ATP2A3: variants seen among roughly 807,000 people sequenced by gnomAD.
The protein encoded by ATP2A3 is sarcoplasmic/endoplasmic reticulum calcium ATPase 3.
A neutral mutation model predicts 106.8 loss-of-function variants in ATP2A3; 61 were observed. That is an observed-to-expected ratio of 0.57 (90% CI 0.46 to 0.71). The LOEUF is 0.71. Among genes scored for constraint, ATP2A3 ranks in the 30% least tolerant of loss-of-function variants. The pLI is 0.00. For missense variants in ATP2A3, 1,201 were observed against 1,423.5 expected (o/e 0.84, Z 2.52); for synonymous variants, 611 against 609.3 (o/e 1.00, Z -0.04).
At chr17:3,948,014 G>A (rs41283389) in intron 7 of ATP2A3, among the ~76,000 whole-genome samples, 159 bp from the exon 8 acceptor site, 15 of 152,304 alleles carry the variant, frequency 9.8e-5, no homozygotes, top group Non-Finnish European at 1.5e-4. Context: ...ATGTATGCAC[G>A]GGGTCCCTGC....
chr17:3,928,739 C>G lies in ATP2A3; in HGVS notation c.2904G>C (p.Val968=). The change falls in exon 20 of 21, where the codon GTG becomes GTC. Residue 968 remains valine (V), a synonymous_variant. Coordinates refer to ENST00000397041, the MANE Select transcript of ATP2A3 (RefSeq NM_005173.4). The surrounding 1 kb of genome is among the most constrained non-coding windows in gnomAD (Gnocchi z 6.1). ...QVTPLSGRQW[V]VVLQISLPVI... is the part of the protein sequence containing the mutation. Reference sequence around the variant, plus strand: ...CAGGCAGAGATATCTGGAGCACCACCACCCACTGGCGCCCGCTCAGTGGGG... The same window carrying G: ...CAGGCAGAGATATCTGGAGCACCACGACCCACTGGCGCCCGCTCAGTGGGG... 1 of 1,552,224 alleles carries G rather than the reference C, an allele frequency of 6.4e-7. No individual in the cohort carries two copies. Among genetic ancestry groups the G allele is most frequent in the Non-Finnish European group, 8.7e-7 (1 of 1,147,664 alleles).
rs899619706 is a variant in ATP2A3 at position 3,925,989 on chromosome 17, G to C, written c.2981-548C>G. On this transcript the variant is annotated intron_variant, in intron 20 of 20. Coordinates refer to ENST00000397041, the MANE Select transcript of ATP2A3 (RefSeq NM_005173.4). The surrounding 1 kb of genome is among the most constrained non-coding windows in gnomAD (Gnocchi z 4.2). ...GGTTCCTCACTGTCCTCAGAGTAAAGTCTAAGCCCGCCTGTAACCTCCCAG... is the reference window on the plus strand; with the variant it reads ...GGTTCCTCACTGTCCTCAGAGTAAACTCTAAGCCCGCCTGTAACCTCCCAG... Among the ~76,000 whole-genome samples, 2 of 151,792 alleles carry C rather than the reference G, an allele frequency of 1.3e-5. No homozygotes were observed.
intron 1 of ATP2A3, among the ~76,000 whole-genome samples, chr17:3,958,245 C>A (rs2054894050): frequency 6.6e-6 from 1 of 152,240 alleles, no homozygotes; most frequent in Admixed American, 6.5e-5. Context: ...GAACGGCATG[C>A]ATAAAGCACT....
chr17:3,963,793 C>A lies in ATP2A3; in HGVS notation c.118+381G>T, dbSNP rs552991359. Among the ~76,000 whole-genome samples the A allele has an allele frequency of 3.4e-4, 52 of 152,352 alleles. 1 individual carries two copies. The highest frequency in any genetic ancestry group is 2.7e-3 in the Admixed American group (42 of 15,312). On this transcript the variant is annotated intron_variant, in intron 1 of 20. Transcript: ENST00000397041. ...AGCCTGAGTCTCCGGCCGTCCCTCG[C>A]CCGCCGGTGTCTGCGCTGCACCTGC...
intron 14 of ATP2A3, among the ~76,000 whole-genome samples, chr17:3,937,968 T>C (rs533938976): frequency 6.6e-6 from 1 of 151,750 alleles, no homozygotes; most frequent in South Asian, 2.1e-4. Context: ...AAACTGAGGT[T>C]AGGGAGAAAG....
At chr17:3,937,308 G>T in intron 15 of ATP2A3, 108 bp downstream of exon 15, 2 of 1,309,866 alleles carry the variant, frequency 1.5e-6, no homozygotes, top group South Asian at 1.3e-5. Context: ...CCAGGGCAGG[G>T]CACAGGCCCC....
chr17:3,936,801 T>G lies in ATP2A3; in HGVS notation c.2322-332A>C. ...CAAGAATCAGACATGTGCAAAAACC[T>G]AGCACATGCCACACCATCCGGCAAA... On this transcript the variant is annotated intron_variant, in intron 15 of 20. Coordinates refer to ENST00000397041, the MANE Select transcript of ATP2A3 (RefSeq NM_005173.4). The surrounding 1 kb of genome is among the most constrained non-coding windows in gnomAD (Gnocchi z 5.4). 2.5e-6 allele frequency: 1 copy of G among 399,508 alleles called. No homozygotes were observed. The highest frequency in any genetic ancestry group is 4.8e-6 in the Non-Finnish European group (1 of 210,416). The allele number at this position is 399,508 out of a possible 1,614,324, so 24.7% of individuals were successfully genotyped here.
In ATP2A3 at chr17:3,955,887, AT is replaced by A. The variant is rs67730207; in HGVS notation, c.119-2178del. 1.8e-3 allele frequency among the ~76,000 whole-genome samples: 257 copies of A among 143,942 alleles called. 2 individuals are homozygous for A. Among genetic ancestry groups the A allele is most frequent in the East Asian group, 8.2e-3 (41 of 4,988 alleles). 94.4% of individuals were successfully genotyped at this position (143,942 alleles called of 152,430 possible). On this transcript the variant is annotated intron_variant, in intron 1 of 20. Coordinates refer to ENST00000397041, the MANE Select transcript of ATP2A3 (RefSeq NM_005173.4). This position sits in a 1 kb window ranked among gnomAD's most constrained non-coding sequence, Gnocchi z 4.2. ...CCTTTCTCTTATTTTATTTTATTTT[AT>A]TTTTTTTTTTTGAGATGGAGTCTTG...
rs371950842 is a variant in ATP2A3 at position 3,940,987 on chromosome 17, T to C, written c.2084A>G (p.Asn695Ser). 2.5e-6 allele frequency: 4 copies of C among 1,613,828 alleles called. No individual in the cohort carries two copies. The highest frequency in any genetic ancestry group is 3.4e-6 in the Non-Finnish European group (4 of 1,179,840). ...SRIVENLQSF[N>S]EITAMTGDGV... ...TGGCCTCACCATAGCAGTGATCTCG[T>C]TAAAGGACTGCAGGTTCTCCACGAT... Residue 695 changes from asparagine (N) to serine (S), a missense_variant, in exon 14 of 21, where the codon AAC becomes AGC. This residue lies in a region of ATP2A3 where 935 missense variants were observed against 1,176.7 expected (regional missense o/e 0.79). Transcript: ENST00000397041.
In ATP2A3 at chr17:3,928,252, G is replaced by A. The variant is rs774158403; in HGVS notation, c.2980+411C>T. 7.4e-6 allele frequency: 12 copies of A among 1,613,454 alleles called. No homozygotes were observed. The South Asian group carries it at 1.3e-4, about 18-fold the overall frequency. On this transcript the variant is annotated intron_variant, in intron 20 of 20. Coordinates refer to ENST00000397041, the MANE Select transcript of ATP2A3 (RefSeq NM_005173.4). This position sits in a 1 kb window ranked among gnomAD's most constrained non-coding sequence, Gnocchi z 6.1. ...CAAAGAGGCCAACCCGGTGTGGTCT[G>A]GGGTCCAAGAGGTGGTCAGCGGCTG...
intron 1 of ATP2A3, among the ~76,000 whole-genome samples, chr17:3,963,073 A>C (rs963710602): frequency 2.6e-5 from 4 of 152,274 alleles, no homozygotes; most frequent in Admixed American, 1.3e-4. Context: ...GATAATATTT[A>C]TATAAGAGGT....
chr17:3,945,338 C>T (rs2054054238), intron 8 of ATP2A3, 190 bp from the exon 9 acceptor site: 3 of 533,548 alleles, frequency 5.6e-6, no homozygotes, highest in Non-Finnish European at 1.0e-5. Flanking sequence ...TCTGCTCTGC[C>T]AGATGTGTCC....
intron 7 of ATP2A3, among the ~76,000 whole-genome samples, chr17:3,948,158 A>G (rs1277017670): frequency 6.6e-6 from 1 of 152,228 alleles, no homozygotes. Context: ...CCAGCGCAGC[A>G]CAAGCATCAA....
chr17:3,940,664 C>A (rs6502761), intron 14 of ATP2A3, among the ~76,000 whole-genome samples: 2 of 151,916 alleles, frequency 1.3e-5, no homozygotes, highest in African/African-American at 4.8e-5. Context: ...TGCACCACCA[C>A]GCCCCGCTAA....
chr17:3,927,888 C>T, intron 20 of ATP2A3: 1 of 1,586,518 alleles, frequency 6.3e-7, no homozygotes, highest in Non-Finnish European at 8.5e-7. Context: ...CAGTGCAGGC[C>T]TCAGCCACTG....
intron 14 of ATP2A3, among the ~76,000 whole-genome samples, chr17:3,940,057 T>G (rs1333574627): frequency 3.5e-5 from 5 of 142,696 alleles, no homozygotes; most frequent in Admixed American, 7.0e-5. Flanking sequence ...TTTGTTTTTT[T>G]TTTTTTTGGA....
intron 12 of ATP2A3, 73 bp downstream of exon 12, chr17:3,942,533 G>A: frequency 6.3e-7 from 1 of 1,575,434 alleles, no homozygotes. Context: ...GAGGACTGGG[G>A]CTCACAGAGG....
At position 3,942,681 on chromosome 17, in the gene ATP2A3, G is replaced by A; in HGVS notation, c.1470C>T (p.Asp490=). The A allele has an allele frequency of 6.2e-7, 1 of 1,613,698 alleles. No homozygotes were observed. The highest frequency in any genetic ancestry group is 8.5e-7 in the Non-Finnish European group (1 of 1,179,978). ...RKEFTLEFSR[D]RKSMSVYCTP... ...TGCAGTACACGGACATGGATTTCCG[G>A]TCTCGGGAGAACTCCAGGGTGAACT... Residue 490 remains aspartate (D), a synonymous_variant, in exon 12 of 21, where the codon GAC becomes GAT. Coordinates refer to ENST00000397041, the MANE Select transcript of ATP2A3 (RefSeq NM_005173.4).
rs752206507 is a variant in ATP2A3 at position 3,947,314 on chromosome 17, G to A, written c.1095+77C>T. ...CTCTCCTCCATCCCTCACTGAAAAG[G>A]AGGTGGGGGAGAGACCCAGAGAGGG... On this transcript the variant is annotated intron_variant, in intron 8 of 20. Transcript: ENST00000397041. The surrounding 1 kb of genome is among the most constrained non-coding windows in gnomAD (Gnocchi z 7.7). 221 of 1,531,718 alleles carry A rather than the reference G, an allele frequency of 1.4e-4. No homozygotes were observed. The highest frequency in any genetic ancestry group is 1.9e-4 in the Non-Finnish European group (215 of 1,111,120). 94.9% of individuals were successfully genotyped at this position (1,531,718 alleles called of 1,614,324 possible). A position where few individuals can be genotyped will look rare whatever the true frequency, so the allele number is the denominator to read the frequency against.
Sources: gnomAD v4.1 joint callset for allele counts (sites outside exome capture counted in the v4.1 genomes callset) on GRCh38, gnomAD v4.1.1 for gene constraint, gnomAD v4.1.1 regional missense constraint, Gnocchi (gnomAD v3.1) non-coding constraint, MANE v1.5 for transcripts, NCBI Gene and HGNC (gene_info 2026-07-23, HGNC 2026-07-21) for gene names.